The following ABRAXAS1 variants were observed in gnomAD, a reference collection of about 807,000 sequenced individuals.
ABRAXAS1 encodes abraxas 1, BRCA1 A complex subunit, also known as BRCA1-A complex subunit Abraxas 1.
Under a neutral mutation model 38.4 loss-of-function variants are expected in ABRAXAS1, and 26 were observed. The ratio of observed to expected loss-of-function variants is 0.68; its 90% CI spans 0.50 to 0.94. ABRAXAS1 has a LOEUF of 0.94. ABRAXAS1 is among the 40% of genes least tolerant of loss of function. The pLI, the probability that ABRAXAS1 is intolerant of heterozygous loss-of-function variation, is 0.00. For synonymous variants in ABRAXAS1, 144 were observed against 165.5 expected (o/e 0.87, Z 1.00); for missense variants, 438 against 481.9 (o/e 0.91, Z 0.85).
rs138363269 is a variant in ABRAXAS1, at chr4:83,480,052, G to T, written c.178+2102C>A. 126 of 202,074 alleles carry T rather than the reference G, an allele frequency of 6.2e-4. 2 individuals are homozygous for T. Among genetic ancestry groups the T allele is most frequent in the African/African-American group, 2.9e-3 (123 of 41,904 alleles). The allele number at this position is 202,074 out of a possible 1,614,324, so 12.5% of individuals were successfully genotyped here. A position where few individuals can be genotyped will look rare whatever the true frequency, so the allele number is the denominator to read the frequency against. ...GGGAGATATTAGGCACATATAGTAA[G>T]ATCCCATTTGTGTAAATAAAAAGTA... On this transcript the variant is annotated intron_variant, in intron 2 of 8. Coordinates refer to ENST00000321945, the MANE Select transcript of ABRAXAS1 (RefSeq NM_139076.3).
Position 83,461,372 on chromosome 4 carries a change from C to T in ABRAXAS1, c.*1097G>A. 1.7e-6 allele frequency: 1 copy of T among 577,650 alleles called. No individual in the cohort carries two copies. Among genetic ancestry groups the T allele is most frequent in the South Asian group, 2.0e-5 (1 of 49,382 alleles). 35.8% of individuals were successfully genotyped at this position (577,650 alleles called of 1,614,324 possible). On this transcript the variant is annotated 3_prime_UTR_variant, in exon 9 of 9. Transcript: ENST00000321945. ...ATTGCTTATTTAAAATGTTAACACT[C>T]ATCACATTTTATCTATGTTGAATAA... is the stretch of plus-strand genomic sequence containing the variant.
chr4:83,460,813 A>G lies in ABRAXAS1; in HGVS notation c.*1656T>C. 1.6e-6 allele frequency: 1 copy of G among 610,168 alleles called. No individual in the cohort carries two copies. Among genetic ancestry groups the G allele is most frequent in the Non-Finnish European group, 2.9e-6 (1 of 340,160 alleles). 37.8% of individuals were successfully genotyped at this position (610,168 alleles called of 1,614,324 possible). A position where few individuals can be genotyped will look rare whatever the true frequency, so the allele number is the denominator to read the frequency against. On this transcript the variant is annotated 3_prime_UTR_variant, in exon 9 of 9. Transcript: ENST00000321945. ...TCCAGTTACTAAGGAGGCTGAGGCAAGATAATCGATTGAGCCTGGGTGGCG... is the reference window on the plus strand; with the variant it reads ...TCCAGTTACTAAGGAGGCTGAGGCAGGATAATCGATTGAGCCTGGGTGGCG...
intron 2 of ABRAXAS1, chr4:83,478,194 G>A (rs1722855774): frequency 1.4e-6 from 1 of 706,182 alleles, no homozygotes; most frequent in African/African-American, 1.8e-5. Context: ...GGTTTGGCTG[G>A]GGCTCTTGCC....
chr4:83,460,915 A>T lies in ABRAXAS1; in HGVS notation c.*1554T>A, dbSNP rs1051789775. 6.6e-6 allele frequency: 10 copies of T among 1,520,616 alleles called. No homozygotes were observed. The African/African-American group carries it at 1.1e-4, about 17-fold the overall frequency. 94.2% of individuals were successfully genotyped at this position (1,520,616 alleles called of 1,614,324 possible). A position where few individuals can be genotyped will look rare whatever the true frequency, so the allele number is the denominator to read the frequency against. ...AGGGAGACTCCATCTCAAAAAAAAA[A>T]ATTGCAAACTTTAAATATTGACATT... is the stretch of plus-strand genomic sequence containing the variant. On this transcript the variant is annotated 3_prime_UTR_variant, in exon 9 of 9. Coordinates refer to ENST00000321945, the MANE Select transcript of ABRAXAS1 (RefSeq NM_139076.3).
intron 2 of ABRAXAS1, chr4:83,480,504 A>T (rs1178948312): frequency 4.6e-6 from 1 of 217,678 alleles, no homozygotes; most frequent in South Asian, 4.7e-5. Flanking sequence ...ATGAGAGTTT[A>T]AATTTTTTAT....
rs940066676 is a variant in ABRAXAS1 at position 83,473,866 on chromosome 4, C to T, written c.216-1578G>A. Among the ~76,000 whole-genome samples, 7 of 151,744 alleles carry T rather than the reference C, an allele frequency of 4.6e-5. No homozygotes were observed. In the East Asian group the frequency reaches 9.9e-4, roughly 21 times the overall value. On this transcript the variant is annotated intron_variant, in intron 3 of 8. Coordinates refer to ENST00000321945, the MANE Select transcript of ABRAXAS1 (RefSeq NM_139076.3). ...AAGTTTCAGAAGCCGGGCACAGTGG[C>T]TCACGCCTTAATCCCAGCACTTTGG...
At chr4:83,470,100 G>C (rs1722523482) in intron 5 of ABRAXAS1, 103 bp downstream of exon 5, 1 of 786,484 alleles carries the variant, frequency 1.3e-6, no homozygotes, top group Admixed American at 3.3e-5. Context: ...GTGACAATCT[G>C]ATGCGACAAT....
At chr4:83,478,886 A>T (rs1029904640) in intron 2 of ABRAXAS1, 2 of 152,430 alleles carry the variant, frequency 1.3e-5, no homozygotes, top group South Asian at 4.1e-4. Flanking sequence ...ACAAAAGCCC[A>T]GTTTCCTTAA....
At chr4:83,481,369 C>T (rs1281416173) in intron 2 of ABRAXAS1, among the ~76,000 whole-genome samples, 1 of 152,038 alleles carries the variant, frequency 6.6e-6, no homozygotes, top group African/African-American at 2.4e-5. Context: ...CCTGCTTTTC[C>T]CTAAAAGAGA....
chr4:83,483,461 T>C (rs925465058), intron 1 of ABRAXAS1, among the ~76,000 whole-genome samples: 4 of 152,062 alleles, frequency 2.6e-5, no homozygotes, highest in African/African-American at 9.7e-5. Flanking sequence ...TTAAAATTTT[T>C]TTGTAGACAT....
intron 2 of ABRAXAS1, chr4:83,478,528 G>A (rs747860946): frequency 2.6e-5 from 9 of 341,846 alleles, no homozygotes; most frequent in Admixed American, 1.2e-4. Context: ...TTACCAAACC[G>A]TTGGTCTCCT....
chr4:83,461,079 G>A lies in ABRAXAS1; in HGVS notation c.*1390C>T, dbSNP rs1338386985. 3 of 1,612,366 alleles carry A rather than the reference G, an allele frequency of 1.9e-6. No homozygotes were observed. Among genetic ancestry groups the A allele is most frequent in the Non-Finnish European group, 2.5e-6 (3 of 1,178,726 alleles). Reference sequence around the variant, plus strand: ...ACTGAATTGAGCTAGCTGAAATTTTGCTCATTATGTTTTGTCAAGAACTTT... The same window carrying A: ...ACTGAATTGAGCTAGCTGAAATTTTACTCATTATGTTTTGTCAAGAACTTT... On this transcript the variant is annotated 3_prime_UTR_variant, in exon 9 of 9. Transcript: ENST00000321945.
At chr4:83,467,828 G>T (rs1365285931) in intron 6 of ABRAXAS1, among the ~76,000 whole-genome samples, 3 of 151,990 alleles carry the variant, frequency 2.0e-5, no homozygotes, top group African/African-American at 7.3e-5. Context: ...AAAATTGAAG[G>T]AAGGAAAAAA....
rs1346779345 is a variant in ABRAXAS1 at position 83,462,390 on chromosome 4, T to C, written c.*79A>G. On this transcript the variant is annotated 3_prime_UTR_variant, in exon 9 of 9. Coordinates refer to ENST00000321945, the MANE Select transcript of ABRAXAS1 (RefSeq NM_139076.3). ...AACAAATGAACTTACTGCAAGTAGC[T>C]CAACATAGTAAAAACAATAGAAATG... 7.8e-7 allele frequency: 1 copy of C among 1,286,256 alleles called. No individual in the cohort carries two copies. The highest frequency in any genetic ancestry group is 2.2e-5 in the Admixed American group (1 of 44,800). 79.7% of individuals were successfully genotyped at this position (1,286,256 alleles called of 1,614,324 possible). A position where few individuals can be genotyped will look rare whatever the true frequency, so the allele number is the denominator to read the frequency against.
chr4:83,474,735 A>G (rs542182996), intron 3 of ABRAXAS1, among the ~76,000 whole-genome samples: 5 of 126,018 alleles, frequency 4.0e-5, no homozygotes, highest in Non-Finnish European at 7.4e-5. Context: ...AAAAAGTAGT[A>G]AACAGTCTCA....
At chr4:83,463,647 C>G (rs780833055) in intron 7 of ABRAXAS1, 39 bp from the exon 8 acceptor site, 2 of 1,242,572 alleles carry the variant, frequency 1.6e-6, no homozygotes, top group Admixed American at 3.8e-5. Context: ...GGTAATATTT[C>G]AAGCTGTGTA....
chr4:83,460,887 C>A lies in ABRAXAS1; in HGVS notation c.*1582G>T. The A allele has an allele frequency of 8.7e-7, 1 of 1,145,068 alleles. No homozygotes were observed. The highest frequency in any genetic ancestry group is 1.3e-6 in the Non-Finnish European group (1 of 785,600). 70.9% of individuals were successfully genotyped at this position (1,145,068 alleles called of 1,614,324 possible). The stretch of plus-strand genomic sequence containing the variant: ...CACCACTGTACTCCAGCCTGGGTGA[C>A]ACAGGGAGACTCCATCTCAAAAAAA... On this transcript the variant is annotated 3_prime_UTR_variant, in exon 9 of 9. Coordinates refer to ENST00000321945, the MANE Select transcript of ABRAXAS1 (RefSeq NM_139076.3).
Position 83,470,352 on chromosome 4 carries a change from G to A in ABRAXAS1, c.327C>T (p.Ile109=), listed in dbSNP as rs924277966. 12 of 1,613,720 alleles carry A rather than the reference G, an allele frequency of 7.4e-6. No individual in the cohort carries two copies. Among genetic ancestry groups the A allele is most frequent in the Non-Finnish European group, 1.0e-5 (12 of 1,179,830 alleles). ...GAAGCAGCCTCTCTCTAAACGTCAT[G>A]ATCTGATCTGAATGACGACGGAATT... ...WYKFRRHSDQ[I]MTFRERLLHK... Residue 109 remains isoleucine, a synonymous_variant, in exon 5 of 9, where the codon ATC becomes ATT. Transcript: ENST00000321945.
rs1334600653 is a variant in ABRAXAS1 at position 83,469,387 on chromosome 4, C to T, written c.477-236G>A. 2.5e-5 allele frequency: 10 copies of T among 407,730 alleles called. No individual in the cohort carries two copies. In the Admixed American group the frequency reaches 3.6e-4, roughly 15 times the overall value. 25.3% of individuals were successfully genotyped at this position (407,730 alleles called of 1,614,324 possible). A position where few individuals can be genotyped will look rare whatever the true frequency, so the allele number is the denominator to read the frequency against. On this transcript the variant is annotated intron_variant, in intron 5 of 8. Transcript: ENST00000321945. ...GCAGTGCAGTGGTGCGATCATGGCTCAATAATGCAGCTTCAACCTCCCGTG... is the reference window on the plus strand; with the variant it reads ...GCAGTGCAGTGGTGCGATCATGGCTTAATAATGCAGCTTCAACCTCCCGTG...
Sources: allele counts gnomAD v4.1 joint callset (sites outside exome capture counted in the v4.1 genomes callset), GRCh38; gene constraint gnomAD v4.1.1; transcripts MANE v1.5; gene names NCBI Gene and HGNC (gene_info 2026-07-23, HGNC 2026-07-21).